KL: variants seen among roughly 807,000 people sequenced by gnomAD.
KL encodes the protein alpha-klotho.
KL carries 62 observed loss-of-function variants against 84.2 expected under a neutral mutation model. The observed-to-expected ratio is 0.74, with a 90% CI of 0.60 to 0.91. KL has a LOEUF of 0.91. Among genes scored for constraint, KL ranks in the 40% least tolerant of loss-of-function variants. KL has a pLI of 0.00. For missense variants in KL, 1,261 were observed against 1,305.7 expected (o/e 0.97, Z 0.53); for synonymous variants, 528 against 528.0 (o/e 1.00, Z 0.00).
chr13:33,048,100 C>T (rs1369443465), intron 1 of KL, among the ~76,000 whole-genome samples: 4 of 152,172 alleles, frequency 2.6e-5, no homozygotes, highest in Admixed American at 1.3e-4. Flanking sequence ...TCTGGGACAT[C>T]TTGGCTTCTG....
At chr13:33,024,202 T>A (rs142756278) in intron 1 of KL, among the ~76,000 whole-genome samples, 165 of 152,366 alleles carry the variant, frequency 1.1e-3, no homozygotes, top group African/African-American at 3.8e-3. Flanking sequence ...TCCTTCATGC[T>A]AATGTCTGCT....
chr13:33,060,979 G>A lies in KL; in HGVS notation c.1900G>A (p.Val634Met). ...SELVRVNITP[V>M]VALWQPMAPN... ...GCTTGTCCGTGTCAACATCACCCCA[G>A]TGGTGGCCCTGTGGCAGCCTATGGC... is the stretch of plus-strand genomic sequence containing the variant. Residue 634 changes from valine (V) to methionine (M), a missense_variant, in exon 4 of 5, where the codon GTG (valine) becomes ATG (methionine). Val to Met is a conservative substitution (Grantham distance 21). Transcript: ENST00000380099. The A allele has an allele frequency of 6.2e-7, 1 of 1,612,778 alleles. No individual in the cohort carries two copies. The highest frequency in any genetic ancestry group is 8.5e-7 in the Non-Finnish European group (1 of 1,178,992).
At chr13:33,052,914 GA>G (rs1225516892) in intron 1 of KL, among the ~76,000 whole-genome samples, 1 of 152,018 alleles carries the variant, frequency 6.6e-6, no homozygotes, top group African/African-American at 2.4e-5. Context: ...AAGTAGGGGA[GA>G]AAAAACCCCT....
intron 3 of KL, among the ~76,000 whole-genome samples, chr13:33,057,151 C>T (rs1008272492): frequency 6.6e-6 from 1 of 152,226 alleles, no homozygotes; most frequent in Non-Finnish European, 1.5e-5. Context: ...ATCTCTTGAC[C>T]TTCTGCCTGC....
intron 3 of KL, among the ~76,000 whole-genome samples, chr13:33,056,639 CAA>C (rs57452305): frequency 0.24 from 34,647 of 144,362 alleles, 4,304 homozygotes; most frequent in East Asian, 0.3. Context: ...ACTAAAAATA[CAA>C]AAAAAAAAAA....
Position 33,054,283 on chromosome 13 carries a change from A to C in KL, c.1330+6A>C, listed in dbSNP as rs780420253. 1 of 1,612,768 alleles carries C rather than the reference A, an allele frequency of 6.2e-7. No individual in the cohort carries two copies. The highest frequency in any genetic ancestry group is 1.1e-5 in the South Asian group (1 of 90,994). ...CATCATGGAAACCTTAAAAGGTATG[A>C]TTGTGGGTAAAGTTCTCATTTCCTG... On this transcript the variant is annotated splice_donor_region_variant and intron_variant, in intron 2 of 4. Coordinates refer to ENST00000380099, the MANE Select transcript of KL (RefSeq NM_004795.4).
chr13:33,016,361 G>C, upstream of KL: 2 of 162,244 alleles, frequency 1.2e-5, no homozygotes, highest in Non-Finnish European at 2.6e-5. Flanking sequence ...TGGGCGCGCC[G>C]GCGGTGGGCG....
chr13:33,057,579 A>T (rs554683254), intron 3 of KL, among the ~76,000 whole-genome samples: 1 of 152,112 alleles, frequency 6.6e-6, no homozygotes, highest in African/African-American at 2.4e-5. Context: ...TTTTTTCCTC[A>T]TCAGCTTGGG....
At chr13:33,033,621 A>G (rs1024901230) in intron 1 of KL, among the ~76,000 whole-genome samples, 3 of 151,954 alleles carry the variant, frequency 2.0e-5, no homozygotes, top group Admixed American at 6.5e-5. Flanking sequence ...CCTTAAGTCT[A>G]TGGTCACAAG....
At chr13:33,021,980 A>G (rs1392512079) in intron 1 of KL, among the ~76,000 whole-genome samples, 2 of 152,260 alleles carry the variant, frequency 1.3e-5, no homozygotes, top group South Asian at 4.1e-4. Context: ...GCATTTAGTC[A>G]GAAATAGTTA....
At chr13:33,031,659 C>G (rs1286021657) in intron 1 of KL, among the ~76,000 whole-genome samples, 5 of 152,100 alleles carry the variant, frequency 3.3e-5, no homozygotes, top group East Asian at 1.9e-4. Flanking sequence ...AAAGAGCTAA[C>G]TCCTCATTAT....
chr13:33,064,234 C>T lies in KL; in HGVS notation c.*48C>T. The T allele has an allele frequency of 4.4e-6, 6 of 1,377,322 alleles. No individual in the cohort carries two copies. The highest frequency in any genetic ancestry group is 6.1e-6 in the Non-Finnish European group (6 of 979,048). 85.3% of individuals were successfully genotyped at this position (1,377,322 alleles called of 1,614,324 possible). On this transcript the variant is annotated 3_prime_UTR_variant, in exon 5 of 5. Transcript: ENST00000380099. ...TCATTTTGAAATAATTATGCAGACA[C>T]ATCAGCTGTTAACCATTTGCACCTC...
At chr13:33,050,657 C>A (rs1218603428) in intron 1 of KL, among the ~76,000 whole-genome samples, 1 of 152,174 alleles carries the variant, frequency 6.6e-6, no homozygotes, top group African/African-American at 2.4e-5. Context: ...GCAGCGATTT[C>A]TTAGAGACGG....
chr13:33,024,454 A>G (rs1360443183), intron 1 of KL, among the ~76,000 whole-genome samples: 1 of 152,130 alleles, frequency 6.6e-6, no homozygotes, highest in Non-Finnish European at 1.5e-5. Flanking sequence ...ATCCATCACC[A>G]TTGTCCTGCT....
chr13:33,030,371 A>G (rs549155823), intron 1 of KL, among the ~76,000 whole-genome samples: 3 of 152,300 alleles, frequency 2.0e-5, no homozygotes, highest in Admixed American at 2.0e-4. Context: ...CTTCCCTTCC[A>G]TAGTACTGAT....
rs71071071 is a variant in KL, at chr13:33,044,640, C to CTTTTTTTTTTTTTTTTTTTTTT, written c.820-9120_820-9099dup. ...TTCATATATAAATGCAATTGATTTT[C>CTTTTTTTTTTTTTTTTTTTTTT]TTTTTTTTTTTTTTTTTTTTTTTTT... On this transcript the variant is annotated intron_variant, in intron 1 of 4. Coordinates refer to ENST00000380099, the MANE Select transcript of KL (RefSeq NM_004795.4). Among the ~76,000 whole-genome samples, 3 of 52,750 alleles carry CTTTTTTTTTTTTTTTTTTTTTT rather than the reference C, an allele frequency of 5.7e-5. 1 individual carries two copies. Among genetic ancestry groups the CTTTTTTTTTTTTTTTTTTTTTT allele is most frequent in the Non-Finnish European group, 9.6e-5 (3 of 31,306 alleles). The allele number at this position is 52,750 out of a possible 152,430, so 34.6% of individuals were successfully genotyped here. A position where few individuals can be genotyped will look rare whatever the true frequency, so the allele number is the denominator to read the frequency against.
chr13:33,059,202 G>T (rs1243515163), intron 3 of KL, among the ~76,000 whole-genome samples: 1 of 152,094 alleles, frequency 6.6e-6, no homozygotes, highest in African/African-American at 2.4e-5. Context: ...TCTTCCAGCT[G>T]GATTTTTCAC....
chr13:33,046,490 A>G (rs961562570), intron 1 of KL, among the ~76,000 whole-genome samples: 1 of 152,100 alleles, frequency 6.6e-6, no homozygotes, highest in Non-Finnish European at 1.5e-5. Flanking sequence ...GTCAGTTACC[A>G]CTTTCTTTTA....
intron 1 of KL, among the ~76,000 whole-genome samples, chr13:33,020,619 C>T (rs1043286977): frequency 3.9e-5 from 6 of 152,096 alleles, no homozygotes; most frequent in Admixed American, 6.6e-5. Context: ...TGTTGGACCC[C>T]GAATCTTAAC....
Sources: gnomAD v4.1 joint callset for allele counts (sites outside exome capture counted in the v4.1 genomes callset) on GRCh38, gnomAD v4.1.1 for gene constraint, MANE v1.5 for transcripts, NCBI Gene and HGNC (gene_info 2026-07-23, HGNC 2026-07-21) for gene names.